Variants in DYRK4 observed in about 807,000 individuals in gnomAD.
The protein encoded by DYRK4 is dual specificity tyrosine phosphorylation regulated kinase 4.
DYRK4 carries 64 observed loss-of-function variants against 68.3 expected under a neutral mutation model. The ratio of observed to expected loss-of-function variants is 0.94; its 90% CI spans 0.77 to 1.15. DYRK4 has a LOEUF of 1.15. DYRK4 is among the 50% of genes most tolerant of loss of function. The probability of loss-of-function intolerance (pLI) is 0.00; values close to 1 mark genes in which losing one functional copy is unlikely to be tolerated. For missense variants in DYRK4, 740 were observed against 764.7 expected (o/e 0.97, Z 0.38); for synonymous variants, 274 against 289.9 (o/e 0.95, Z 0.56).
intron 2 of DYRK4, among the ~76,000 whole-genome samples, chr12:4,585,705 C>A (rs575748322): frequency 1.3e-5 from 2 of 152,268 alleles, no homozygotes; most frequent in South Asian, 4.1e-4. Flanking sequence ...TGCAGCACAC[C>A]AACATGGCAA....
intron 2 of DYRK4, among the ~76,000 whole-genome samples, chr12:4,585,136 C>T (rs111641371): frequency 6.6e-5 from 10 of 152,264 alleles, no homozygotes; most frequent in African/African-American, 1.7e-4. Flanking sequence ...ACAAGCACAG[C>T]GGGAGACCCC....
chr12:4,602,292 A>G, intron 10 of DYRK4: 1 of 990,940 alleles, frequency 1.0e-6, no homozygotes, highest in South Asian at 1.3e-5. Flanking sequence ...ATACTATGCC[A>G]TTCTCCCTCT....
rs929273871 is a variant in DYRK4 at position 4,602,905 on chromosome 12, G to T, written c.1127-2009G>T. ...TTCTTTCATTTTCAAAATAACTTTT[G>T]TAAGTATTAGTGTCTTTTAGTGGAG... On this transcript the variant is annotated intron_variant, in intron 10 of 14. Coordinates refer to ENST00000543431, the MANE Select transcript of DYRK4 (RefSeq NM_001394779.1). 2.0e-4 allele frequency: 183 copies of T among 935,382 alleles called. 2 individuals are homozygous for T. The East Asian group carries it at 4.2e-3, about 21-fold the overall frequency. The allele number at this position is 935,382 out of a possible 1,614,324, so 57.9% of individuals were successfully genotyped here.
chr12:4,605,730 T>G (rs7301171), intron 11 of DYRK4, among the ~76,000 whole-genome samples: 381 of 7,400 alleles, frequency 0.051, 8 homozygotes, highest in East Asian at 0.22. Flanking sequence ...TAGAGCTGGG[T>G]TTTTTTTTTT....
In DYRK4 at chr12:4,591,794, G is replaced by A. The variant is rs1056385765; in HGVS notation, c.463+496G>A. On this transcript the variant is annotated intron_variant, in intron 5 of 14. Coordinates refer to ENST00000543431, the MANE Select transcript of DYRK4 (RefSeq NM_001394779.1). This position sits in a 1 kb window ranked among gnomAD's most constrained non-coding sequence, Gnocchi z 4.1. ...CATGTAGAAGAGCATGGCCAGCCAG[G>A]GGTCTCAGTCCTTGGCTGTAGCTTC... is the stretch of plus-strand genomic sequence containing the variant. 6.5e-6 allele frequency: 1 copy of A among 153,030 alleles called. No individual in the cohort carries two copies. Among genetic ancestry groups the A allele is most frequent in the East Asian group, 1.9e-4 (1 of 5,194 alleles). 9.5% of individuals were successfully genotyped at this position (153,030 alleles called of 1,614,324 possible). A position where few individuals can be genotyped will look rare whatever the true frequency, so the allele number is the denominator to read the frequency against.
rs774187466 is a variant in DYRK4 at position 4,593,065 on chromosome 12, C to T, written c.527C>T (p.Ala176Val). The change falls in exon 6 of 15, where the codon GCG becomes GTG. Residue 176 changes from alanine to valine, a missense_variant. Coordinates refer to ENST00000543431, the MANE Select transcript of DYRK4 (RefSeq NM_001394779.1). ...PYEQSEILGY[A>V]ELWFLGLEAK... The stretch of plus-strand genomic sequence containing the variant: ...GAACAAAGTGAAATCCTGGGCTACG[C>T]GGAGCTGTGGTTCCTGGGTCTTGAA... 22 of 1,614,148 alleles carry T rather than the reference C, an allele frequency of 1.4e-5. No homozygotes were observed. Among genetic ancestry groups the T allele is most frequent in the South Asian group, 5.5e-5 (5 of 91,084 alleles).
chr12:4,613,611 C>T lies in DYRK4; in HGVS notation c.1763C>T (p.Ala588Val). The change falls in exon 15 of 15, where the codon GCT becomes GTT. Residue 588 changes from alanine to valine, a missense_variant. Ala to Val is a moderately conservative substitution (Grantham distance 64, BLOSUM62 0). Transcript: ENST00000543431. The surrounding 1 kb of genome is among the most constrained non-coding windows in gnomAD (Gnocchi z 4.0). Reference protein sequence around the residue: ...GDQQDCLQHGADTVQLPQLVD... With the variant: ...GDQQDCLQHGVDTVQLPQLVD... ...CAGCAGGACTGTCTCCAGCACGGAG[C>T]TGACACTGTTCAGCTGCCTCAACTG... 1 of 1,614,184 alleles carries T rather than the reference C, an allele frequency of 6.2e-7. No homozygotes were observed.
At position 4,562,663 on chromosome 12, in the gene DYRK4, A is replaced by G. The variant is rs145683716; in HGVS notation, c.38+380A>G. ...CTTCCTCCCTTTCTTTCTCTTCTTT[A>G]CTGCATGTCCTCTTGGTAGTCGTAA... On this transcript the variant is annotated intron_variant, in intron 1 of 14. Transcript: ENST00000543431. Among the ~76,000 whole-genome samples, 627 of 151,996 alleles carry G rather than the reference A, an allele frequency of 4.1e-3. 5 individuals are homozygous for G. Among genetic ancestry groups the G allele is most frequent in the African/African-American group, 0.014 (585 of 41,470 alleles).
chr12:4,577,390 A>G (rs1038626123), intron 2 of DYRK4, among the ~76,000 whole-genome samples: 14 of 152,122 alleles, frequency 9.2e-5, no homozygotes, highest in African/African-American at 3.1e-4. Flanking sequence ...TGTTGAAGAG[A>G]TGCCTTTCTC....
chr12:4,576,113 T>A (rs1463751245), intron 2 of DYRK4, among the ~76,000 whole-genome samples: 2 of 152,212 alleles, frequency 1.3e-5, no homozygotes, highest in East Asian at 3.8e-4. Flanking sequence ...GTCATTTGTC[T>A]ACTATTATAG....
At chr12:4,569,268 A>G (rs148766369) in intron 2 of DYRK4, among the ~76,000 whole-genome samples, 25 of 152,374 alleles carry the variant, frequency 1.6e-4, no homozygotes, top group African/African-American at 6.0e-4. Flanking sequence ...TATTTTGATA[A>G]AATAAAAATT....
chr12:4,576,712 G>A lies in DYRK4; in HGVS notation c.132+8664G>A, dbSNP rs537445530. ...AAATGCGGTTTTGGACGTTCTAGTA[G>A]GTGTGTAGTGGCATCTCATTGTTTT... On this transcript the variant is annotated intron_variant, in intron 2 of 14. Transcript: ENST00000543431. Among the ~76,000 whole-genome samples, 3 of 152,300 alleles carry A rather than the reference G, an allele frequency of 2.0e-5. No individual in the cohort carries two copies. In the East Asian group the frequency reaches 5.8e-4, roughly 29 times the overall value.
chr12:4,570,068 A>G (rs202098966), intron 2 of DYRK4, among the ~76,000 whole-genome samples: 1 of 74,208 alleles, frequency 1.3e-5, no homozygotes, highest in Non-Finnish European at 2.9e-5. Context: ...TAATAATAAT[A>G]ATAATAATAA....
At chr12:4,572,406 G>A (rs1009566882) in intron 2 of DYRK4, among the ~76,000 whole-genome samples, 3 of 151,902 alleles carry the variant, frequency 2.0e-5, no homozygotes, top group Non-Finnish European at 2.9e-5. Flanking sequence ...CTCAGCCTCC[G>A]GAGTAGCTGG....
intron 1 of DYRK4, 92 bp downstream of exon 1, chr12:4,562,375 G>A: frequency 6.9e-7 from 1 of 1,443,074 alleles, no homozygotes; most frequent in Non-Finnish European, 9.2e-7. Flanking sequence ...CGTGGGGGGA[G>A]AATGAAAAGC....
intron 2 of DYRK4, chr12:4,573,275 A>C (rs1944751136): frequency 7.8e-7 from 1 of 1,277,804 alleles, no homozygotes; most frequent in Non-Finnish European, 1.0e-6. Flanking sequence ...TACATTTGGA[A>C]TGGATTTGGG....
At chr12:4,602,600 C>T in intron 10 of DYRK4, 1 of 1,326,404 alleles carries the variant, frequency 7.5e-7, no homozygotes, top group Non-Finnish European at 1.1e-6. Context: ...TCAATCTTTG[C>T]TGCAGAATCT....
intron 2 of DYRK4, among the ~76,000 whole-genome samples, chr12:4,570,090 A>C (rs571219155): frequency 2.0e-5 from 3 of 150,044 alleles, no homozygotes; most frequent in African/African-American, 7.3e-5. Flanking sequence ...GATAATAACA[A>C]ATTAGCTGGG....
chr12:4,581,170 C>A (rs1372275819), intron 2 of DYRK4, among the ~76,000 whole-genome samples: 2 of 152,094 alleles, frequency 1.3e-5, no homozygotes, highest in Non-Finnish European at 2.9e-5. Context: ...CCTGTGCTTG[C>A]TGGGGGTCAG....
Sources: gnomAD v4.1 joint callset for allele counts (sites outside exome capture counted in the v4.1 genomes callset) on GRCh38, gnomAD v4.1.1 for gene constraint, Gnocchi (gnomAD v3.1) non-coding constraint, MANE v1.5 for transcripts, NCBI Gene and HGNC (gene_info 2026-07-23, HGNC 2026-07-21) for gene names.